The following CDH12 variants were observed in gnomAD, a reference collection of about 807,000 sequenced individuals.
The protein encoded by CDH12 is cadherin-12.
In CDH12, 41 loss-of-function variants were observed where a neutral mutation model predicts 74.1. That is an observed-to-expected ratio of 0.55 (90% CI 0.43 to 0.72). CDH12 has a LOEUF of 0.72. CDH12 is among the 30% of genes least tolerant of loss of function. The pLI, the probability that CDH12 is intolerant of heterozygous loss-of-function variation, is 0.00. For missense variants in CDH12, 945 were observed against 977.2 expected (o/e 0.97, Z 0.44); for synonymous variants, 399 against 355.0 (o/e 1.12, Z -1.39).
At chr5:22,561,562 G>A (rs1425638984) in intron 1 of CDH12, among the ~76,000 whole-genome samples, 1 of 152,018 alleles carries the variant, frequency 6.6e-6, no homozygotes, top group African/African-American at 2.4e-5. Context: ...CTTTGGCCTG[G>A]TGGGGATTTC....
intron 1 of CDH12, among the ~76,000 whole-genome samples, chr5:22,610,335 A>C (rs1026331294): frequency 6.6e-6 from 1 of 152,194 alleles, no homozygotes; most frequent in Non-Finnish European, 1.5e-5. Context: ...TATTCCATTG[A>C]GTCTTCACAT....
chr5:22,045,611 A>AAC (rs1011429703), intron 5 of CDH12, among the ~76,000 whole-genome samples: 41 of 151,942 alleles, frequency 2.7e-4, no homozygotes, highest in African/African-American at 9.9e-4. Flanking sequence ...CCAAAAAAAA[A>AAC]AAAAAACAAT....
rs182896300 is a variant in CDH12, at chr5:22,132,534, T to C, written c.-186-53672A>G. On this transcript the variant is annotated intron_variant, in intron 4 of 14. Coordinates refer to ENST00000382254, the MANE Select transcript of CDH12 (RefSeq NM_004061.5). Reference sequence around the variant, plus strand: ...TTGTGCAAGAGGCATTGTGCATGACTAGGAGAGGAAGAAATAACAAACTCC... The same window carrying C: ...TTGTGCAAGAGGCATTGTGCATGACCAGGAGAGGAAGAAATAACAAACTCC... Among the ~76,000 whole-genome samples the C allele has an allele frequency of 3.7e-3, 552 of 150,892 alleles. 10 individuals carry two copies. Among genetic ancestry groups the C allele is most frequent in the African/African-American group, 0.013 (520 of 41,032 alleles).
At chr5:22,168,385 A>G (rs1193238104) in intron 4 of CDH12, among the ~76,000 whole-genome samples, 1 of 152,064 alleles carries the variant, frequency 6.6e-6, no homozygotes, top group African/African-American at 2.4e-5. Context: ...TCTGCCTAAT[A>G]TAGTATTTTC....
intron 4 of CDH12, among the ~76,000 whole-genome samples, chr5:22,116,553 C>T (rs953908516): frequency 2.6e-5 from 4 of 151,406 alleles, no homozygotes; most frequent in East Asian, 1.9e-4. Flanking sequence ...TGCAGTTAGC[C>T]GAGATCGTGC....
At chr5:22,110,189 C>A (rs1354403341) in intron 4 of CDH12, among the ~76,000 whole-genome samples, 1 of 152,134 alleles carries the variant, frequency 6.6e-6, no homozygotes, top group East Asian at 1.9e-4. Flanking sequence ...AGAATAAACA[C>A]CAGCATAAAC....
At chr5:22,828,689 T>TATCATG (rs1736449073) in intron 1 of CDH12, among the ~76,000 whole-genome samples, 2 of 152,212 alleles carry the variant, frequency 1.3e-5, no homozygotes, top group African/African-American at 2.4e-5. Context: ...CATGGATGGA[T>TATCATG]ATCATGATTC....
At chr5:21,767,294 T>C (rs1300411604) in intron 11 of CDH12, among the ~76,000 whole-genome samples, 1 of 151,692 alleles carries the variant, frequency 6.6e-6, no homozygotes, top group Non-Finnish European at 1.5e-5. Context: ...GGACAGGAGT[T>C]TTCCTAGAGA....
At chr5:22,365,956 T>TTTTTG (rs1319065773) in intron 3 of CDH12, among the ~76,000 whole-genome samples, 1 of 152,152 alleles carries the variant, frequency 6.6e-6, no homozygotes, top group South Asian at 2.1e-4. Context: ...TCTATTTATC[T>TTTTTG]TTTTGTTTTG....
chr5:22,763,510 CATGAAAA>C (rs1420000805), intron 1 of CDH12, among the ~76,000 whole-genome samples: 1 of 151,932 alleles, frequency 6.6e-6, no homozygotes, highest in East Asian at 1.9e-4. Flanking sequence ...CCTACAAACA[CATGAAAA>C]AAGTAGCAAT....
chr5:21,944,445 G>A (rs908139534), intron 6 of CDH12, among the ~76,000 whole-genome samples: 5 of 152,120 alleles, frequency 3.3e-5, no homozygotes, highest in Non-Finnish European at 5.9e-5. Flanking sequence ...TAGGACAGAA[G>A]CATGGATTAT....
chr5:22,672,910 C>T (rs1740980038), intron 1 of CDH12, among the ~76,000 whole-genome samples: 2 of 152,048 alleles, frequency 1.3e-5, no homozygotes, highest in South Asian at 4.1e-4. Flanking sequence ...GTTCAAATAC[C>T]TTGCATCATA....
intron 5 of CDH12, among the ~76,000 whole-genome samples, chr5:22,035,120 A>G (rs1180927025): frequency 6.6e-6 from 1 of 152,152 alleles, no homozygotes; most frequent in Non-Finnish European, 1.5e-5. Context: ...TAGTTCATAT[A>G]AAGTTCCTTT....
At chr5:22,525,123 TA>T (rs1737212240) in intron 1 of CDH12, among the ~76,000 whole-genome samples, 1 of 152,108 alleles carries the variant, frequency 6.6e-6, no homozygotes, top group Non-Finnish European at 1.5e-5. Context: ...TCCATGTCCC[TA>T]CAAAGGACAT....
At chr5:22,688,239 A>G (rs1191183517) in intron 1 of CDH12, among the ~76,000 whole-genome samples, 1 of 152,196 alleles carries the variant, frequency 6.6e-6, no homozygotes, top group Non-Finnish European at 1.5e-5. Flanking sequence ...GATAGTCACA[A>G]GTTAATTCCA....
intron 6 of CDH12, among the ~76,000 whole-genome samples, chr5:21,880,667 CT>C: frequency 8.2e-6 from 1 of 122,478 alleles, no homozygotes; most frequent in South Asian, 2.6e-4. Context: ...TTCTTTCTTT[CT>C]TTCTTTCTTT....
rs377410089 is a variant in CDH12 at position 22,025,067 on chromosome 5, A to G, written c.232-49682T>C. Reference sequence around the variant, plus strand: ...TATGATGCCTAATAATAAAACAAAAACAAAATCAAACCACCATCCCTGATT... The same window carrying G: ...TATGATGCCTAATAATAAAACAAAAGCAAAATCAAACCACCATCCCTGATT... On this transcript the variant is annotated intron_variant, in intron 5 of 14. Coordinates refer to ENST00000382254, the MANE Select transcript of CDH12 (RefSeq NM_004061.5). Among the ~76,000 whole-genome samples the G allele has an allele frequency of 3.3e-3, 509 of 152,274 alleles. 2 individuals carry two copies. The highest frequency in any genetic ancestry group is 6.3e-3 in the Non-Finnish European group (427 of 68,020).
At chr5:22,010,295 C>A (rs1183968914) in intron 5 of CDH12, among the ~76,000 whole-genome samples, 1 of 152,102 alleles carries the variant, frequency 6.6e-6, no homozygotes, top group Non-Finnish European at 1.5e-5. Context: ...CTTTTCCATG[C>A]CAGTTTTCAC....
intron 13 of CDH12, among the ~76,000 whole-genome samples, chr5:21,759,439 ATAAGTG>A (rs935301506): frequency 3.9e-5 from 6 of 152,040 alleles, no homozygotes; most frequent in African/African-American, 1.4e-4. Context: ...AAATAAAAGT[ATAAGTG>A]TAAACCATGA....
Sources: allele counts gnomAD v4.1 joint callset (sites outside exome capture counted in the v4.1 genomes callset), GRCh38; gene constraint gnomAD v4.1.1; transcripts MANE v1.5; gene names NCBI Gene and HGNC (gene_info 2026-07-23, HGNC 2026-07-21).